ROBO2: variants seen among roughly 807,000 people sequenced by gnomAD.
The protein encoded by ROBO2 is roundabout guidance receptor 2, also known as roundabout homolog 2.
ROBO2 carries 53 observed loss-of-function variants against 160.8 expected under a neutral mutation model. The ratio of observed to expected loss-of-function variants is 0.33; its 90% confidence interval spans 0.26 to 0.41. The LOEUF (loss-of-function observed/expected upper bound fraction) is 0.41, where lower values mean the gene tolerates loss of function less well. Ranked by LOEUF, ROBO2 falls within the 10% of genes least tolerant of loss-of-function variation. The pLI is 1.00. For synonymous variants in ROBO2, 664 were observed against 611.7 expected (o/e 1.09, Z -1.26); for missense variants, 1,577 against 1,722.4 (o/e 0.92, Z 1.49).
chr3:75,989,005 G>A (rs1214045283), intron 2 of ROBO2, among the ~76,000 whole-genome samples: 1 of 151,820 alleles, frequency 6.6e-6, no homozygotes, highest in Non-Finnish European at 1.5e-5. Flanking sequence ...TCTTGGATTT[G>A]TTTTATAAAG....
At chr3:76,677,544 GT>G (rs1194612344) in intron 2 of ROBO2, among the ~76,000 whole-genome samples, 1 of 152,090 alleles carries the variant, frequency 6.6e-6, no homozygotes, top group Admixed American at 6.5e-5. Flanking sequence ...AAACAATCAT[GT>G]TTCCTCAGGT....
At chr3:77,288,991 T>C (rs2060827038) in intron 2 of ROBO2, among the ~76,000 whole-genome samples, 1 of 152,182 alleles carries the variant, frequency 6.6e-6, no homozygotes, top group African/African-American at 2.4e-5. Flanking sequence ...GTATGTGTTA[T>C]GACTTTAAGA....
intron 2 of ROBO2, among the ~76,000 whole-genome samples, chr3:76,755,249 T>G (rs1193808931): frequency 1.3e-5 from 2 of 151,872 alleles, no homozygotes; most frequent in African/African-American, 4.8e-5. Flanking sequence ...CCAAACAGTT[T>G]TCATGAGACA....
intron 2 of ROBO2, among the ~76,000 whole-genome samples, chr3:77,298,259 G>A (rs1017006839): frequency 3.3e-5 from 5 of 152,146 alleles, no homozygotes; most frequent in South Asian, 2.1e-4. Context: ...ACCAGGAAAC[G>A]CAGAGGGCCA....
chr3:77,541,877 A>G (rs75955341), intron 6 of ROBO2, among the ~76,000 whole-genome samples: 6,419 of 152,230 alleles, frequency 0.042, 478 homozygotes, highest in African/African-American at 0.15. Context: ...TCTGGAGTTT[A>G]TAACTCAATC....
At chr3:76,262,115 C>T (rs1706807165) in intron 2 of ROBO2, among the ~76,000 whole-genome samples, 1 of 152,128 alleles carries the variant, frequency 6.6e-6, no homozygotes. Context: ...TTTTCTACTT[C>T]AGTCTCTCTT....
intron 2 of ROBO2, among the ~76,000 whole-genome samples, chr3:77,175,650 A>G (rs1469501399): frequency 6.6e-6 from 1 of 151,988 alleles, no homozygotes; most frequent in African/African-American, 2.4e-5. Context: ...AAGGAGATAC[A>G]TTTGTGAGAA....
intron 2 of ROBO2, among the ~76,000 whole-genome samples, chr3:77,109,104 AG>A: frequency 6.6e-6 from 1 of 152,270 alleles, no homozygotes; most frequent in South Asian, 2.1e-4. Flanking sequence ...TTGAAAAAAA[AG>A]GTTGATAGAA....
intron 2 of ROBO2, among the ~76,000 whole-genome samples, chr3:76,425,124 G>A (rs2076158072): frequency 6.6e-6 from 1 of 151,824 alleles, no homozygotes; most frequent in South Asian, 2.1e-4. Flanking sequence ...TTTAGTACTT[G>A]CATGAGCCAT....
intron 2 of ROBO2, among the ~76,000 whole-genome samples, chr3:75,966,527 G>A (rs757283263): frequency 3.3e-5 from 5 of 151,672 alleles, no homozygotes; most frequent in Non-Finnish European, 5.9e-5. Context: ...TACAGACTGT[G>A]GTGCTGCCAT....
chr3:76,168,002 A>G (rs1575733196), intron 2 of ROBO2, among the ~76,000 whole-genome samples: 1 of 152,180 alleles, frequency 6.6e-6, no homozygotes, highest in East Asian at 1.9e-4. Context: ...CAGTGTGAAC[A>G]GTTTTAGGCA....
chr3:77,543,668 T>A (rs923174478), intron 6 of ROBO2, among the ~76,000 whole-genome samples: 2 of 152,188 alleles, frequency 1.3e-5, no homozygotes, highest in African/African-American at 4.8e-5. Flanking sequence ...CTTAAAACTA[T>A]GAAATACATA....
At chr3:77,210,620 G>A (rs980177101) in intron 2 of ROBO2, among the ~76,000 whole-genome samples, 2 of 152,002 alleles carry the variant, frequency 1.3e-5, no homozygotes, top group Non-Finnish European at 2.9e-5. Flanking sequence ...TAAGTTTTAG[G>A]GTACATGTGC....
chr3:76,857,678 T>G (rs547200875), intron 2 of ROBO2, among the ~76,000 whole-genome samples: 1 of 152,232 alleles, frequency 6.6e-6, no homozygotes, highest in South Asian at 2.1e-4. Context: ...TTTCTCTACT[T>G]TACACACATC....
At chr3:77,097,309 G>T (rs1298978485) in intron 1 of ROBO2, among the ~76,000 whole-genome samples, 1 of 151,972 alleles carries the variant, frequency 6.6e-6, no homozygotes, top group African/African-American at 2.4e-5. Context: ...ATTTTTTTCG[G>T]GGAAGGGATC....
At chr3:76,712,911 A>C (rs1238392819) in intron 2 of ROBO2, among the ~76,000 whole-genome samples, 2 of 152,298 alleles carry the variant, frequency 1.3e-5, no homozygotes, top group East Asian at 3.9e-4. Flanking sequence ...TTTTAAAATA[A>C]ATGATCATTG....
chr3:77,008,515 A>C (rs916940599), intron 2 of ROBO2, among the ~76,000 whole-genome samples: 11 of 152,154 alleles, frequency 7.2e-5, no homozygotes, highest in Non-Finnish European at 1.5e-4. Flanking sequence ...ATATACGACA[A>C]TACTAACTCC....
At chr3:77,337,933 G>C (rs1310171358) in intron 2 of ROBO2, among the ~76,000 whole-genome samples, 1 of 152,090 alleles carries the variant, frequency 6.6e-6, no homozygotes, top group Non-Finnish European at 1.5e-5. Flanking sequence ...GCATAACCAA[G>C]TTTGTTATAG....
At chr3:77,142,402 A>G (rs907100739) in intron 2 of ROBO2, among the ~76,000 whole-genome samples, 6 of 152,228 alleles carry the variant, frequency 3.9e-5, no homozygotes, top group African/African-American at 1.4e-4. Flanking sequence ...GTGCAAGCAC[A>G]TATACCCCTT....
Sources: gnomAD v4.1 joint callset for allele counts (sites outside exome capture counted in the v4.1 genomes callset) on GRCh38, gnomAD v4.1.1 for gene constraint, MANE v1.5 for transcripts, NCBI Gene and HGNC (gene_info 2026-07-23, HGNC 2026-07-21) for gene names.